Variants in GDAP1 observed in about 807,000 individuals in gnomAD.
GDAP1 encodes ganglioside induced differentiation associated protein 1.
Under a neutral mutation model 40.1 loss-of-function variants are expected in GDAP1, and 34 were observed. The ratio of observed to expected loss-of-function variants is 0.85; its 90% CI spans 0.64 to 1.13. GDAP1 has a LOEUF of 1.13. Among genes scored for constraint, GDAP1 ranks in the 50% most tolerant of loss-of-function variants. The probability of loss-of-function intolerance (pLI) is 0.00; values close to 1 mark genes in which losing one functional copy is unlikely to be tolerated. For missense variants in GDAP1, 374 were observed against 433.7 expected (o/e 0.86, Z 1.22); for synonymous variants, 170 against 157.4 (o/e 1.08, Z -0.60).
chr8:74,470,301 G>C lies in GDAP1; in HGVS notation c.166-18377G>C, dbSNP rs147436069. Among the ~76,000 whole-genome samples, 216 of 152,112 alleles carry C rather than the reference G, an allele frequency of 1.4e-3. 1 individual carries two copies. The highest frequency in any genetic ancestry group is 4.9e-3 in the African/African-American group (204 of 41,474). ...AAGTTTTAGGATACATGTGCACAAC[G>C]TGCAGGTTGGTTACATATGTATACA... On this transcript the variant is annotated intron_variant, in intron 2 of 2. Transcript: ENST00000523640.
In GDAP1 at chr8:74,402,598, G is replaced by GT. The variant is rs1444354445; in HGVS notation, c.165+51277_165+51278insT. Among the ~76,000 whole-genome samples the GT allele has an allele frequency of 4.0e-5, 6 of 150,230 alleles. No homozygotes were observed. In the East Asian group the frequency reaches 1.2e-3, roughly 29 times the overall value. On this transcript the variant is annotated intron_variant, in intron 2 of 2. Transcript: ENST00000523640. Reference sequence around the variant, plus strand: ...CACTTCTGGCACTCCCTAGTGAGATGAACCTGGTACCTGAGATGGAAATGC... The same window carrying GT: ...CACTTCTGGCACTCCCTAGTGAGATGTAACCTGGTACCTGAGATGGAAATGC...
intron 2 of GDAP1, among the ~76,000 whole-genome samples, chr8:74,424,454 A>T (rs1181622152): frequency 6.6e-6 from 1 of 152,098 alleles, no homozygotes; most frequent in Non-Finnish European, 1.5e-5. Context: ...TTCCAGTAAA[A>T]TTTACTCAGA....
At chr8:74,399,497 C>G (rs1810279235) in intron 2 of GDAP1, among the ~76,000 whole-genome samples, 1 of 148,100 alleles carries the variant, frequency 6.8e-6, no homozygotes, top group Non-Finnish European at 1.5e-5. Flanking sequence ...TTTCAAAAAA[C>G]CAGCTTCTGG....
At chr8:74,411,283 C>T (rs1209877496) in intron 2 of GDAP1, among the ~76,000 whole-genome samples, 1 of 149,782 alleles carries the variant, frequency 6.7e-6, no homozygotes, top group Non-Finnish European at 1.5e-5. Flanking sequence ...TATTACAACT[C>T]CTATGAGTGG....
At position 74,361,957 on chromosome 8, in the gene GDAP1, T is replaced by A; in HGVS notation, c.558T>A (p.Ile186=). ...EENPDLQEAY[I]AKQKRLKSKL... The stretch of plus-strand genomic sequence containing the variant: ...ACCCAGATTTACAAGAAGCATACAT[T>A]GCAAAACAGAAACGACTTAAAGTAA... Residue 186 remains isoleucine, a synonymous_variant, in exon 4 of 6, where the codon ATT becomes ATA. Transcript: ENST00000220822. 6.3e-7 allele frequency: 1 copy of A among 1,598,148 alleles called. No homozygotes were observed. Among genetic ancestry groups the A allele is most frequent in the Non-Finnish European group, 8.6e-7 (1 of 1,166,398 alleles).
At chr8:74,459,551 A>G (rs977684977) in intron 2 of GDAP1, among the ~76,000 whole-genome samples, 18 of 152,208 alleles carry the variant, frequency 1.2e-4, no homozygotes, top group African/African-American at 3.9e-4. Flanking sequence ...CGCTAATGCA[A>G]TGGTGAAGTC....
At chr8:74,438,037 A>G (rs13279306) in intron 2 of GDAP1, among the ~76,000 whole-genome samples, 152,093 of 152,212 alleles carry the variant, frequency 1, 75,988 homozygotes, top group Middle Eastern at 1. Context: ...TTGGGAGGCC[A>G]AAGTGGGAGG....
chr8:74,474,909 A>G (rs987180357), intron 2 of GDAP1, among the ~76,000 whole-genome samples: 1 of 152,120 alleles, frequency 6.6e-6, no homozygotes, highest in Non-Finnish European at 1.5e-5. Flanking sequence ...CTGTGAATCC[A>G]TCTGGTCCTG....
chr8:74,446,071 G>A (rs956587989), intron 2 of GDAP1, among the ~76,000 whole-genome samples: 1 of 152,088 alleles, frequency 6.6e-6, no homozygotes, highest in East Asian at 1.9e-4. Context: ...ACATACCCTT[G>A]TCTCAGCTAA....
chr8:74,370,399 A>G (rs948306016), downstream of GDAP1, among the ~76,000 whole-genome samples: 2 of 152,230 alleles, frequency 1.3e-5, no homozygotes, highest in African/African-American at 4.8e-5. Flanking sequence ...CAGATGTGCC[A>G]AATGAAAAGT....
chr8:74,403,835 A>T (rs1017827620), intron 2 of GDAP1, among the ~76,000 whole-genome samples: 1 of 150,218 alleles, frequency 6.7e-6, no homozygotes, highest in Non-Finnish European at 1.5e-5. Context: ...ACTGAGATTT[A>T]AAAACTCAAT....
intron 2 of GDAP1, among the ~76,000 whole-genome samples, chr8:74,379,715 T>G (rs768819046): frequency 1.3e-5 from 2 of 152,190 alleles, no homozygotes; most frequent in Non-Finnish European, 2.9e-5. Flanking sequence ...GGTTCAACAT[T>G]CTGTTGAATG....
chr8:74,428,719 T>C (rs1805986433), intron 2 of GDAP1, among the ~76,000 whole-genome samples: 1 of 136,966 alleles, frequency 7.3e-6, no homozygotes, highest in Non-Finnish European at 1.5e-5. Context: ...TGACCTCAAG[T>C]AATCCACCCA....
rs1196112254 is a variant in GDAP1 at position 74,366,212 on chromosome 8, GCAATTT to G, written c.*1848_*1853del. Reference sequence around the variant, plus strand: ...CTTTGGAAATACGTTAAAGATAGTGGCAATTTCATATATTTCATGGATACTTGAGTT... The same window carrying G: ...CTTTGGAAATACGTTAAAGATAGTGGCATATATTTCATGGATACTTGAGTT... On this transcript the variant is annotated 3_prime_UTR_variant, in exon 6 of 6. Coordinates refer to ENST00000220822, the MANE Select transcript of GDAP1 (RefSeq NM_018972.4). The G allele has an allele frequency of 4.4e-6, 2 of 453,866 alleles. No homozygotes were observed. The highest frequency in any genetic ancestry group is 4.0e-5 in the African/African-American group (2 of 49,946). 28.1% of individuals were successfully genotyped at this position (453,866 alleles called of 1,614,324 possible).
At chr8:74,486,322 G>A (rs1416029729) in intron 2 of GDAP1, among the ~76,000 whole-genome samples, 1 of 152,170 alleles carries the variant, frequency 6.6e-6, no homozygotes, top group Non-Finnish European at 1.5e-5. Flanking sequence ...TCATGATGCA[G>A]CCACAGGCGG....
intron 2 of GDAP1, among the ~76,000 whole-genome samples, chr8:74,483,186 A>G (rs780238302): frequency 1.4e-4 from 21 of 152,166 alleles, no homozygotes; most frequent in African/African-American, 4.6e-4. Context: ...AATTAGATCA[A>G]TAAGACACTG....
chr8:74,372,731 A>G (rs1054906530), intron 2 of GDAP1, among the ~76,000 whole-genome samples: 117 of 152,196 alleles, frequency 7.7e-4, no homozygotes, highest in African/African-American at 2.8e-3. Context: ...GTTCACTCTG[A>G]TGGTAGTTTC....
chr8:74,432,548 T>G (rs1806041256), intron 2 of GDAP1, among the ~76,000 whole-genome samples: 1 of 152,206 alleles, frequency 6.6e-6, no homozygotes, highest in African/African-American at 2.4e-5. Flanking sequence ...ACTCTGCCTG[T>G]ATCCCTATCA....
chr8:74,358,786 A>C (rs1201248244), intron 2 of GDAP1, among the ~76,000 whole-genome samples: 1 of 152,242 alleles, frequency 6.6e-6, no homozygotes. Context: ...AATAGAATTC[A>C]GGAGATTTGA....
Sources: allele counts gnomAD v4.1 joint callset (sites outside exome capture counted in the v4.1 genomes callset), GRCh38; gene constraint gnomAD v4.1.1; transcripts MANE v1.5; gene names NCBI Gene and HGNC (gene_info 2026-07-23, HGNC 2026-07-21).